The following NRXN3 variants were observed in gnomAD, a reference collection of about 807,000 sequenced individuals.
NRXN3 encodes the protein neurexin 3, also known as neurexin III.
NRXN3 carries 32 observed loss-of-function variants against 137.6 expected under a neutral mutation model. The ratio of observed to expected loss-of-function variants is 0.23; its 90% CI spans 0.18 to 0.31. The LOEUF (loss-of-function observed/expected upper bound fraction) is 0.31, where lower values mean the gene tolerates loss of function less well. Among genes scored for constraint, NRXN3 ranks in the 10% least tolerant of loss-of-function variants. The probability of loss-of-function intolerance (pLI) is 1.00; values close to 1 mark genes in which losing one functional copy is unlikely to be tolerated. For synonymous variants in NRXN3, 798 were observed against 784.5 expected (o/e 1.02, Z -0.29); for missense variants, 1,574 against 2,062.5 (o/e 0.76, Z 4.59).
intron 15 of NRXN3, among the ~76,000 whole-genome samples, chr14:79,224,111 T>A (rs79381634): frequency 0.013 from 1,943 of 152,250 alleles, 29 homozygotes; most frequent in African/African-American, 0.044. Flanking sequence ...CACTATGCCC[T>A]TTTCAATTCT....
At chr14:78,909,754 G>C (rs990551450) in intron 10 of NRXN3, among the ~76,000 whole-genome samples, 1 of 152,218 alleles carries the variant, frequency 6.6e-6, no homozygotes, top group Non-Finnish European at 1.5e-5. Context: ...TCTGACAAAA[G>C]TGTCTTGCAC....
At chr14:79,285,795 C>T (rs1014001934) in intron 15 of NRXN3, among the ~76,000 whole-genome samples, 1 of 152,142 alleles carries the variant, frequency 6.6e-6, no homozygotes, top group Non-Finnish European at 1.5e-5. Flanking sequence ...AAAGCTTTGA[C>T]ATATGAATTT....
intron 15 of NRXN3, among the ~76,000 whole-genome samples, chr14:78,998,021 C>T (rs1490508052): frequency 3.9e-5 from 6 of 152,158 alleles, no homozygotes; most frequent in Admixed American, 6.5e-5. Context: ...CCAGCTGGAA[C>T]CTTCCTGCCT....
intron 10 of NRXN3, among the ~76,000 whole-genome samples, chr14:78,851,002 C>A (rs2099041002): frequency 6.6e-6 from 1 of 152,080 alleles, no homozygotes; most frequent in African/African-American, 2.4e-5. Context: ...TGTATTTATT[C>A]TCTTTTTGAG....
intron 10 of NRXN3, among the ~76,000 whole-genome samples, chr14:78,912,750 G>A (rs1407285596): frequency 6.6e-6 from 1 of 152,162 alleles, no homozygotes; most frequent in Non-Finnish European, 1.5e-5. Context: ...GAAAGTGCTT[G>A]GAGTTTCTGA....
chr14:79,294,276 G>A (rs2083668602), intron 15 of NRXN3, among the ~76,000 whole-genome samples: 1 of 152,162 alleles, frequency 6.6e-6, no homozygotes, highest in African/African-American at 2.4e-5. Flanking sequence ...AACGTAGTGT[G>A]TTAACTCAGG....
At chr14:78,492,087 C>T (rs970129258) in intron 4 of NRXN3, among the ~76,000 whole-genome samples, 2 of 152,086 alleles carry the variant, frequency 1.3e-5, no homozygotes, top group African/African-American at 4.8e-5. Context: ...ATAATAATAA[C>T]CTTTTAGGGT....
rs373198096 is a variant in NRXN3, at chr14:78,393,886, G to T, written c.757+96026G>T. On this transcript the variant is annotated intron_variant, in intron 4 of 20. Transcript: ENST00000335750. ...ATCATAAGTAGTATTTTTAATTTTG[G>T]TGGCTACTTGTCCATTGTTCATATA... is the stretch of plus-strand genomic sequence containing the variant. 2.0e-5 allele frequency among the ~76,000 whole-genome samples: 3 copies of T among 151,772 alleles called. No individual in the cohort carries two copies. In the East Asian group the frequency reaches 5.8e-4, roughly 29 times the overall value.
intron 1 of NRXN3, among the ~76,000 whole-genome samples, chr14:78,172,640 C>A (rs1357529449): frequency 6.6e-6 from 1 of 152,032 alleles, no homozygotes; most frequent in East Asian, 1.9e-4. Flanking sequence ...GCGAGTCAGT[C>A]TTCCTTCTGG....
intron 15 of NRXN3, among the ~76,000 whole-genome samples, chr14:79,348,867 T>G (rs1219434304): frequency 6.6e-6 from 1 of 152,204 alleles, no homozygotes; most frequent in Non-Finnish European, 1.5e-5. Flanking sequence ...GTCCATCACA[T>G]TTCATAGGGC....
At chr14:79,454,673 A>G (rs1252106187) in intron 15 of NRXN3, among the ~76,000 whole-genome samples, 2 of 152,206 alleles carry the variant, frequency 1.3e-5, no homozygotes, top group Non-Finnish European at 2.9e-5. Flanking sequence ...GGCAAAGGCT[A>G]TATAATTTTG....
chr14:78,441,113 T>C (rs1413732760), intron 4 of NRXN3, among the ~76,000 whole-genome samples: 1 of 152,146 alleles, frequency 6.6e-6, no homozygotes, highest in East Asian at 1.9e-4. Flanking sequence ...GCAGGGCTTA[T>C]GTTTTAGGAG....
chr14:79,456,939 T>C (rs938945759), intron 15 of NRXN3, among the ~76,000 whole-genome samples: 2 of 152,002 alleles, frequency 1.3e-5, no homozygotes, highest in African/African-American at 4.8e-5. Flanking sequence ...GATTTTCTCA[T>C]GACTTTCTCC....
intron 20 of NRXN3, among the ~76,000 whole-genome samples, chr14:79,819,772 C>T (rs763558451): frequency 6.6e-6 from 1 of 151,610 alleles, no homozygotes; most frequent in Non-Finnish European, 1.5e-5. Context: ...CATCAGCCAC[C>T]GCACCCGGCC....
chr14:79,475,830 A>C (rs1186106782), intron 16 of NRXN3, among the ~76,000 whole-genome samples: 1 of 152,166 alleles, frequency 6.6e-6, no homozygotes, highest in African/African-American at 2.4e-5. Flanking sequence ...GAGCTGGGAT[A>C]TTACTGATTT....
chr14:78,324,263 A>G (rs1409993073), intron 4 of NRXN3, among the ~76,000 whole-genome samples: 1 of 152,070 alleles, frequency 6.6e-6, no homozygotes, highest in African/African-American at 2.4e-5. Flanking sequence ...GACTGTGCAC[A>G]CTGCAAAGTG....
At chr14:78,978,000 C>T (rs958082945) in intron 14 of NRXN3, among the ~76,000 whole-genome samples, 2 of 152,126 alleles carry the variant, frequency 1.3e-5, no homozygotes, top group Non-Finnish European at 2.9e-5. Flanking sequence ...TCTCAGTCAA[C>T]CAATTCCCAT....
intron 4 of NRXN3, among the ~76,000 whole-genome samples, chr14:78,542,074 A>G (rs2096595021): frequency 6.6e-6 from 1 of 152,190 alleles, no homozygotes; most frequent in African/African-American, 2.4e-5. Flanking sequence ...TGCCTATATG[A>G]GGTGTCTGTC....
chr14:78,384,987 C>A lies in NRXN3; in HGVS notation c.757+87127C>A, dbSNP rs571084417. On this transcript the variant is annotated intron_variant, in intron 4 of 20. Coordinates refer to ENST00000335750, the MANE Select transcript of NRXN3 (RefSeq NM_001330195.2). ...TTAAAAAAAATGAAACCAGGGAAAT[C>A]AAACACTGCAGAAGCCTCAACATTT... Among the ~76,000 whole-genome samples, 3 of 152,202 alleles carry A rather than the reference C, an allele frequency of 2.0e-5. No homozygotes were observed. In the South Asian group the frequency reaches 6.2e-4, roughly 32 times the overall value.
Sources: gnomAD v4.1 joint callset for allele counts (sites outside exome capture counted in the v4.1 genomes callset) on GRCh38, gnomAD v4.1.1 for gene constraint, MANE v1.5 for transcripts, NCBI Gene and HGNC (gene_info 2026-07-23, HGNC 2026-07-21) for gene names.